TXLNB: variants seen among roughly 807,000 people sequenced by gnomAD.
TXLNB encodes the protein taxilin beta, also known as beta-taxilin.
Under a neutral mutation model 57.4 loss-of-function variants are expected in TXLNB, and 37 were observed. The observed-to-expected ratio is 0.64, with a 90% confidence interval of 0.50 to 0.85. The LOEUF (loss-of-function observed/expected upper bound fraction) is 0.85. TXLNB is among the 40% of genes least tolerant of loss of function. The pLI, the probability that TXLNB is intolerant of heterozygous loss-of-function variation, is 0.00. For synonymous variants in TXLNB, 302 were observed against 309.6 expected (o/e 0.98, Z 0.26); for missense variants, 848 against 825.6 (o/e 1.03, Z -0.33).
chr6:139,173,163 C>A, the TXLNB span, among the ~76,000 whole-genome samples: 1 of 152,148 alleles, frequency 6.6e-6, no homozygotes, highest in African/African-American at 2.4e-5. Flanking sequence ...ATTTTCAATG[C>A]CGTAGAGCAG....
At chr6:139,191,104 ATT>A in the TXLNB span, among the ~76,000 whole-genome samples, 112 of 150,570 alleles carry the variant, frequency 7.4e-4, no homozygotes, top group African/African-American at 2.5e-3. Context: ...ATGAAGTTTA[ATT>A]TTTTTTTTTT....
Position 139,270,586 on chromosome 6 carries a change from A to G in TXLNB, c.557T>C (p.Leu186Pro). The part of the protein sequence containing the change: ...HRTEQKKLKL[L>P]QKKQVQIQKE... ...TTGAATTTGTACCTGTTTCTTTTGG[A>G]GGAGCTTTAACTTCTTTTGCTCAGT... Residue 186 changes from leucine to proline, a missense_variant, in exon 4 of 10, where the codon CTC (leucine) becomes CCC (proline). By Grantham distance (98) the Leu-to-Pro change is moderately conservative. Transcript: ENST00000358430. 6.2e-7 allele frequency: 1 copy of G among 1,614,050 alleles called. No homozygotes were observed. The highest frequency in any genetic ancestry group is 8.5e-7 in the Non-Finnish European group (1 of 1,179,966).
chr6:139,297,106 T>C, the TXLNB span, among the ~76,000 whole-genome samples: 1 of 152,148 alleles, frequency 6.6e-6, no homozygotes, highest in South Asian at 2.1e-4. Context: ...ACACTTCCTG[T>C]TGAATCATTT....
the TXLNB span, among the ~76,000 whole-genome samples, chr6:139,225,109 A>G: frequency 1.3e-5 from 2 of 152,200 alleles, no homozygotes; most frequent in Non-Finnish European, 2.9e-5. Context: ...GACACAGAAA[A>G]TGCATTTGAC....
chr6:139,228,371 A>G, the TXLNB span, among the ~76,000 whole-genome samples: 1 of 151,898 alleles, frequency 6.6e-6, no homozygotes, highest in Non-Finnish European at 1.5e-5. Flanking sequence ...CTAAAAATAC[A>G]AAAAATTAGC....
chr6:139,172,641 A>C, the TXLNB span, among the ~76,000 whole-genome samples: 2 of 152,300 alleles, frequency 1.3e-5, no homozygotes, highest in South Asian at 4.1e-4. Flanking sequence ...GGTCAGGACA[A>C]TGTGTAGCAG....
intron 3 of TXLNB, among the ~76,000 whole-genome samples, chr6:139,276,145 C>A (rs1476885387): frequency 6.6e-6 from 1 of 152,166 alleles, no homozygotes; most frequent in Admixed American, 6.5e-5. Context: ...TAGAACAGTT[C>A]ATCCACTCCT....
the TXLNB span, among the ~76,000 whole-genome samples, chr6:139,211,006 C>T: frequency 6.6e-6 from 1 of 152,234 alleles, no homozygotes; most frequent in Non-Finnish European, 1.5e-5. Context: ...GTGGAGCCCA[C>T]CACAGCTCAA....
upstream of TXLNB, among the ~76,000 whole-genome samples, chr6:139,294,907 T>C (rs1777363578): frequency 6.6e-6 from 1 of 152,014 alleles, no homozygotes; most frequent in Admixed American, 6.5e-5. Context: ...GAGAATCATT[T>C]GAACCCAGGA....
the TXLNB span, among the ~76,000 whole-genome samples, chr6:139,301,288 T>C: frequency 4.4e-3 from 662 of 152,136 alleles, 10 homozygotes; most frequent in African/African-American, 0.015. Context: ...GAAGGAAAAA[T>C]TGCAGGGAAA....
chr6:139,234,625 C>T, the TXLNB span: 1 of 152,302 alleles, frequency 6.6e-6, no homozygotes, highest in Admixed American at 6.5e-5. Context: ...GCCAAGATTT[C>T]AAAGGATATA....
chr6:139,274,311 A>G (rs2114582086), intron 3 of TXLNB, among the ~76,000 whole-genome samples: 1 of 152,332 alleles, frequency 6.6e-6, no homozygotes, highest in South Asian at 2.1e-4. Context: ...GATTTATTCT[A>G]TGTGAACACT....
At chr6:139,218,590 T>C in the TXLNB span, among the ~76,000 whole-genome samples, 1 of 151,920 alleles carries the variant, frequency 6.6e-6, no homozygotes, top group African/African-American at 2.4e-5. Context: ...CTGTCTCTAC[T>C]AAATACAAAA....
chr6:139,307,303 C>T, the TXLNB span, among the ~76,000 whole-genome samples: 1 of 152,288 alleles, frequency 6.6e-6, no homozygotes, highest in African/African-American at 2.4e-5. Flanking sequence ...AATCCCCCTG[C>T]CTCAGCCTCT....
the TXLNB span, among the ~76,000 whole-genome samples, chr6:139,300,296 T>C: frequency 6.6e-6 from 1 of 152,332 alleles, no homozygotes; most frequent in Admixed American, 6.5e-5. Flanking sequence ...TTAAATTCTA[T>C]GTGTGGTCTT....
rs1775924738 is a variant in TXLNB, at chr6:139,241,171, T to C, written c.*1355A>G. 1 of 152,200 alleles carries C rather than the reference T, an allele frequency of 6.6e-6. No homozygotes were observed. The highest frequency in any genetic ancestry group is 1.5e-5 in the Non-Finnish European group (1 of 68,030). 9.4% of individuals were successfully genotyped at this position (152,200 alleles called of 1,614,324 possible). A position where few individuals can be genotyped will look rare whatever the true frequency, so the allele number is the denominator to read the frequency against. On this transcript the variant is annotated 3_prime_UTR_variant, in exon 10 of 10. Coordinates refer to ENST00000358430, the MANE Select transcript of TXLNB (RefSeq NM_153235.4). ...TTGCCTTCTCCTGAATCCTCACCTATATTTCAAATCATTTTGGTTAAAATC... is the reference window on the plus strand; with the variant it reads ...TTGCCTTCTCCTGAATCCTCACCTACATTTCAAATCATTTTGGTTAAAATC...
At chr6:139,206,152 G>A in the TXLNB span, among the ~76,000 whole-genome samples, 24 of 152,060 alleles carry the variant, frequency 1.6e-4, no homozygotes, top group Admixed American at 1.6e-3. Context: ...TACCAAACCG[G>A]CACTACAAGA....
the TXLNB span, among the ~76,000 whole-genome samples, chr6:139,167,741 A>C: frequency 6.6e-6 from 1 of 152,180 alleles, no homozygotes; most frequent in African/African-American, 2.4e-5. Context: ...GTATTTTTAG[A>C]TTAGTTGAAT....
At chr6:139,295,909 C>T (rs1474465974), upstream of TXLNB, among the ~76,000 whole-genome samples, 1 of 152,120 alleles carries the variant, frequency 6.6e-6, no homozygotes, top group Non-Finnish European at 1.5e-5. Context: ...AATACTCTGT[C>T]TTCCCAAACA....
Sources: allele counts gnomAD v4.1 joint callset (sites outside exome capture counted in the v4.1 genomes callset), GRCh38; gene constraint gnomAD v4.1.1; transcripts MANE v1.5; gene names NCBI Gene and HGNC (gene_info 2026-07-23, HGNC 2026-07-21).